The following KLHL14 variants were observed in gnomAD, a reference collection of about 807,000 sequenced individuals.
The protein encoded by KLHL14 is kelch-like protein 14.
Under a neutral mutation model 64.3 loss-of-function variants are expected in KLHL14, and 22 were observed. The ratio of observed to expected loss-of-function variants is 0.34; its 90% CI spans 0.24 to 0.49. The LOEUF (loss-of-function observed/expected upper bound fraction) is 0.49, where lower values mean the gene tolerates loss of function less well. Among genes scored for constraint, KLHL14 ranks in the 20% least tolerant of loss-of-function variants. The pLI, the probability that KLHL14 is intolerant of heterozygous loss-of-function variation, is 0.99. For synonymous variants in KLHL14, 322 were observed against 333.4 expected, an observed-to-expected ratio of 0.97 and a Z score of 0.37; for missense variants, 661 against 789.0, an observed-to-expected ratio of 0.84 and a Z score of 1.94.
chr18:32,708,319 C>A (rs1490824972), intron 3 of KLHL14, among the ~76,000 whole-genome samples: 1 of 152,098 alleles, frequency 6.6e-6, no homozygotes, highest in Non-Finnish European at 1.5e-5. Flanking sequence ...GGCATTATCG[C>A]CCTTTTTATT....
At chr18:32,752,157 A>C (rs2050256616) in intron 2 of KLHL14, among the ~76,000 whole-genome samples, 1 of 152,122 alleles carries the variant, frequency 6.6e-6, no homozygotes, top group Admixed American at 6.5e-5. Context: ...ACAAACACCA[A>C]CAACAAAGAA....
intron 1 of KLHL14, chr18:32,772,285 C>A: frequency 2.6e-6 from 1 of 380,324 alleles, no homozygotes; most frequent in South Asian, 1.9e-5. Flanking sequence ...CATCCCGTTC[C>A]AGGTGGACCC....
chr18:32,762,122 T>C (rs1331853681), intron 2 of KLHL14, among the ~76,000 whole-genome samples: 1 of 152,186 alleles, frequency 6.6e-6, no homozygotes, highest in East Asian at 1.9e-4. Flanking sequence ...AAAATCTTAT[T>C]AACTCAGATT....
At chr18:32,760,324 G>A (rs922346770) in intron 2 of KLHL14, among the ~76,000 whole-genome samples, 1 of 129,702 alleles carries the variant, frequency 7.7e-6, no homozygotes, top group Non-Finnish European at 1.6e-5. Context: ...TGATTGGACT[G>A]TGTACACACA....
intron 3 of KLHL14, among the ~76,000 whole-genome samples, chr18:32,711,757 C>A (rs771700852): frequency 6.6e-5 from 10 of 152,234 alleles, no homozygotes; most frequent in Non-Finnish European, 1.5e-4. Context: ...CCTCCTGATT[C>A]AGCTTAGTTT....
At chr18:32,695,416 A>G in intron 4 of KLHL14, 47 bp downstream of exon 4, 1 of 1,145,460 alleles carries the variant, frequency 8.7e-7, no homozygotes, top group Non-Finnish European at 1.3e-6. Flanking sequence ...GCCCTTCATT[A>G]CACACATACT....
At chr18:32,685,056 C>A (rs899507541) in intron 5 of KLHL14, among the ~76,000 whole-genome samples, 7 of 152,070 alleles carry the variant, frequency 4.6e-5, no homozygotes, top group Admixed American at 2.0e-4. Context: ...AAAAAAACTT[C>A]TTTTACCAGG....
At position 32,769,971 on chromosome 18, in the gene KLHL14, C is replaced by T. The variant is rs763059950; in HGVS notation, c.621G>A (p.Lys207=). Residue 207 remains lysine (K), a synonymous_variant, in exon 2 of 9, where the codon AAG becomes AAA. Coordinates refer to ENST00000359358, the MANE Select transcript of KLHL14 (RefSeq NM_020805.3). ...GLEETKKLAN[K]YLVEDVLLLN... is the part of the protein sequence containing the mutation. ...GCAGCAGCACATCCTCCACCAGGTA[C>T]TTGTTGGCCAGCTTCTTGGTCTCCT... is the stretch of plus-strand genomic sequence containing the variant. The T allele has an allele frequency of 2.5e-6, 4 of 1,614,112 alleles. No individual in the cohort carries two copies. The African/African-American group carries it at 5.3e-5, about 22-fold the overall frequency.
At position 32,674,425 on chromosome 18, in the gene KLHL14, G is replaced by C. The variant is rs1469793004; in HGVS notation, c.*232C>G. The C allele has an allele frequency of 1.1e-5, 5 of 446,216 alleles. No individual in the cohort carries two copies. Among genetic ancestry groups the C allele is most frequent in the Non-Finnish European group, 2.0e-5 (5 of 249,104 alleles). 27.6% of individuals were successfully genotyped at this position (446,216 alleles called of 1,614,324 possible). A position where few individuals can be genotyped will look rare whatever the true frequency, so the allele number is the denominator to read the frequency against. On this transcript the variant is annotated 3_prime_UTR_variant, in exon 9 of 9. Coordinates refer to ENST00000359358, the MANE Select transcript of KLHL14 (RefSeq NM_020805.3). The stretch of plus-strand genomic sequence containing the variant: ...GTAAAGCTGGGATAAGTTAAAACCA[G>C]TCTGAAATGGAAGAGTCTGTCACCA...
chr18:32,731,473 T>A lies in KLHL14; in HGVS notation c.1069+10455A>T, dbSNP rs563541743. 2.0e-5 allele frequency among the ~76,000 whole-genome samples: 3 copies of A among 151,348 alleles called. No homozygotes were observed. The South Asian group carries it at 6.3e-4, about 32-fold the overall frequency. On this transcript the variant is annotated intron_variant, in intron 3 of 8. Transcript: ENST00000359358. The stretch of plus-strand genomic sequence containing the variant: ...ACTCAAGGAAGGAAACAACAGAGAC[T>A]GGGGTCTACTTGAGGGGGAGGGTGG...
chr18:32,747,210 T>C (rs1568081497), intron 2 of KLHL14, among the ~76,000 whole-genome samples: 2 of 152,218 alleles, frequency 1.3e-5, no homozygotes, highest in Non-Finnish European at 2.9e-5. Flanking sequence ...TCAACCTTTT[T>C]GGTACCAGGG....
intron 4 of KLHL14, among the ~76,000 whole-genome samples, chr18:32,693,950 C>T (rs112595482): frequency 3.9e-5 from 6 of 152,060 alleles, no homozygotes; most frequent in African/African-American, 1.4e-4. Context: ...AATTGAACAG[C>T]AAGTAGTTAC....
intron 3 of KLHL14, among the ~76,000 whole-genome samples, chr18:32,731,705 G>A (rs1260305817): frequency 6.6e-6 from 1 of 151,728 alleles, no homozygotes; most frequent in Non-Finnish European, 1.5e-5. Context: ...CCTGTTCTAT[G>A]AGATCTACGT....
intron 5 of KLHL14, among the ~76,000 whole-genome samples, chr18:32,685,595 C>G (rs1340782618): frequency 6.6e-6 from 1 of 152,172 alleles, no homozygotes; most frequent in African/African-American, 2.4e-5. Context: ...TACCAGGAAG[C>G]TTCGGATTCA....
chr18:32,757,013 C>T (rs2050285701), intron 2 of KLHL14, among the ~76,000 whole-genome samples: 1 of 152,184 alleles, frequency 6.6e-6, no homozygotes, highest in Admixed American at 6.5e-5. Flanking sequence ...TGATCCCTAC[C>T]ATCTTGCACT....
At chr18:32,708,993 C>T (rs546399280) in intron 3 of KLHL14, among the ~76,000 whole-genome samples, 2 of 152,176 alleles carry the variant, frequency 1.3e-5, no homozygotes, top group Non-Finnish European at 2.9e-5. Flanking sequence ...TGTTTTCATT[C>T]TTGTCCCCTT....
At chr18:32,705,203 T>C (rs538237088) in intron 3 of KLHL14, among the ~76,000 whole-genome samples, 1 of 152,380 alleles carries the variant, frequency 6.6e-6, no homozygotes, top group Non-Finnish European at 1.5e-5. Flanking sequence ...TAAGTTCTAT[T>C]GTTCTATATC....
At chr18:32,684,368 T>C (rs1407494061) in intron 5 of KLHL14, among the ~76,000 whole-genome samples, 2 of 152,202 alleles carry the variant, frequency 1.3e-5, no homozygotes, top group African/African-American at 4.8e-5. Flanking sequence ...TTTTTCTCTA[T>C]TCTTTTGGAA....
At chr18:32,692,973 A>G (rs1003940276) in intron 4 of KLHL14, among the ~76,000 whole-genome samples, 1 of 152,214 alleles carries the variant, frequency 6.6e-6, no homozygotes, top group African/African-American at 2.4e-5. Context: ...GAAGTCAACT[A>G]TGGTTGACCA....
Sources: allele counts gnomAD v4.1 joint callset (sites outside exome capture counted in the v4.1 genomes callset), GRCh38; gene constraint gnomAD v4.1.1; transcripts MANE v1.5; gene names NCBI Gene and HGNC (gene_info 2026-07-23, HGNC 2026-07-21).